SMYD3: variants seen among roughly 807,000 people sequenced by gnomAD.
SMYD3 encodes SET and MYND domain containing 3.
A neutral mutation model predicts 57.7 loss-of-function variants in SMYD3; 36 were observed. That is an observed-to-expected ratio of 0.62 (90% CI 0.48 to 0.82). The LOEUF (loss-of-function observed/expected upper bound fraction) is 0.82, where lower values mean the gene tolerates loss of function less well. Ranked by LOEUF, SMYD3 falls within the 40% of genes least tolerant of loss-of-function variation. The pLI is 0.00. For synonymous variants in SMYD3, 211 were observed against 195.0 expected, an observed-to-expected ratio of 1.08 and a Z score of -0.68; for missense variants, 515 against 538.8, an observed-to-expected ratio of 0.96 and a Z score of 0.44.
intron 10 of SMYD3, among the ~76,000 whole-genome samples, chr1:245,837,532 C>T (rs558657711): frequency 1.3e-5 from 2 of 152,172 alleles, no homozygotes; most frequent in South Asian, 2.1e-4. Flanking sequence ...GGCACGTACA[C>T]GAGGGAAGAA....
Position 246,203,112 on chromosome 1 carries a change from CAAAAAAT to C in SMYD3, c.531+124082_531+124088del, listed in dbSNP as rs1354814551. ...TGCACTCCAGAGCAAGACTCCGTCT[CAAAAAAT>C]AAAAGAAAAGAAAAAGAAAAAGAAA... On this transcript the variant is annotated intron_variant, in intron 5 of 11. Transcript: ENST00000490107. This position sits in a 1 kb window ranked among gnomAD's most constrained non-coding sequence, Gnocchi z 4.6. Among the ~76,000 whole-genome samples, 3 of 151,976 alleles carry C rather than the reference CAAAAAAT, an allele frequency of 2.0e-5. No homozygotes were observed. Among genetic ancestry groups the C allele is most frequent in the Non-Finnish European group, 4.4e-5 (3 of 68,012 alleles).
intron 1 of SMYD3, among the ~76,000 whole-genome samples, chr1:246,501,440 T>G (rs1320484281): frequency 2.0e-5 from 3 of 152,250 alleles, no homozygotes; most frequent in Admixed American, 2.0e-4. Flanking sequence ...CTTGGCCACA[T>G]TCTGCCACAC....
In SMYD3 at chr1:246,095,290, T is replaced by C. The variant is rs963782959; in HGVS notation, c.532-165353A>G. Among the ~76,000 whole-genome samples, 5 of 152,232 alleles carry C rather than the reference T, an allele frequency of 3.3e-5. No homozygotes were observed. The East Asian group carries it at 7.7e-4, about 23-fold the overall frequency. ...GGGGAAGGAGCCCATGGCCATTTCGTATCTCTTCATAGCTACTCAATCATT... is the reference window on the plus strand; with the variant it reads ...GGGGAAGGAGCCCATGGCCATTTCGCATCTCTTCATAGCTACTCAATCATT... On this transcript the variant is annotated intron_variant, in intron 5 of 11. Transcript: ENST00000490107.
intron 5 of SMYD3, among the ~76,000 whole-genome samples, chr1:246,107,170 C>T (rs1422169330): frequency 2.0e-5 from 3 of 149,530 alleles, no homozygotes; most frequent in Non-Finnish European, 4.4e-5. Context: ...GCCTGTAGTC[C>T]CAGCTACTCG....
At chr1:246,303,842 A>G (rs1350324073) in intron 5 of SMYD3, among the ~76,000 whole-genome samples, 1 of 152,232 alleles carries the variant, frequency 6.6e-6, no homozygotes, top group African/African-American at 2.4e-5. Flanking sequence ...CTAGCACAGA[A>G]GATGCACAGG....
At chr1:246,069,265 TAAAAG>T (rs1178839769) in intron 5 of SMYD3, among the ~76,000 whole-genome samples, 2 of 152,328 alleles carry the variant, frequency 1.3e-5, no homozygotes, top group African/African-American at 2.4e-5. Flanking sequence ...TAATTTGTAA[TAAAAG>T]AAAACAAACT....
intron 1 of SMYD3, among the ~76,000 whole-genome samples, chr1:246,357,482 G>A (rs2065926435): frequency 6.6e-6 from 1 of 152,128 alleles, no homozygotes; most frequent in Non-Finnish European, 1.5e-5. Context: ...CCATAAACAT[G>A]GACAACCAGC....
chr1:246,238,599 T>C (rs1425418391), intron 5 of SMYD3, among the ~76,000 whole-genome samples: 2 of 152,290 alleles, frequency 1.3e-5, no homozygotes, highest in South Asian at 2.1e-4. Context: ...CAACTTCTCC[T>C]GTTTGAAACA....
chr1:246,062,024 G>C (rs572018724), intron 5 of SMYD3, among the ~76,000 whole-genome samples: 70 of 152,100 alleles, frequency 4.6e-4, no homozygotes, highest in Admixed American at 2.6e-3. Flanking sequence ...TGACTTATTT[G>C]GCTGATATTT....
intron 5 of SMYD3, among the ~76,000 whole-genome samples, chr1:245,954,989 C>T (rs1007611795): frequency 9.2e-5 from 14 of 152,202 alleles, no homozygotes; most frequent in Admixed American, 5.9e-4. Flanking sequence ...TGACATCAAA[C>T]GCCCCCTATA....
chr1:246,265,918 G>C (rs138699766), intron 5 of SMYD3, among the ~76,000 whole-genome samples: 6 of 152,190 alleles, frequency 3.9e-5, no homozygotes, highest in African/African-American at 1.4e-4. Flanking sequence ...TATTGGGTTT[G>C]AGAATCTTCT....
chr1:246,241,261 G>T (rs1185326824), intron 5 of SMYD3, among the ~76,000 whole-genome samples: 1 of 152,150 alleles, frequency 6.6e-6, no homozygotes, highest in Non-Finnish European at 1.5e-5. Flanking sequence ...TTAGAGATAC[G>T]TCACATCAAT....
At chr1:245,958,068 C>T (rs1327031026) in intron 5 of SMYD3, among the ~76,000 whole-genome samples, 2 of 152,090 alleles carry the variant, frequency 1.3e-5, no homozygotes, top group African/African-American at 4.8e-5. Context: ...CTGCAATGAG[C>T]CCAGCACTTT....
At chr1:246,494,511 T>C (rs1207357698) in intron 1 of SMYD3, among the ~76,000 whole-genome samples, 2 of 152,232 alleles carry the variant, frequency 1.3e-5, no homozygotes, top group Non-Finnish European at 2.9e-5. Flanking sequence ...ATACCAATGA[T>C]TCATAGATTT....
chr1:245,887,075 C>T (rs2053127651), intron 8 of SMYD3, among the ~76,000 whole-genome samples: 1 of 152,168 alleles, frequency 6.6e-6, no homozygotes, highest in South Asian at 2.1e-4. Flanking sequence ...AGGCTAAGAC[C>T]TACTGGGTGG....
intron 8 of SMYD3, among the ~76,000 whole-genome samples, chr1:245,911,518 C>T (rs143281570): frequency 1.6e-3 from 237 of 150,872 alleles, no homozygotes; most frequent in African/African-American, 5.2e-3. Flanking sequence ...TATACACACA[C>T]ATATACACAC....
intron 11 of SMYD3, among the ~76,000 whole-genome samples, chr1:245,750,275 G>C (rs1234545835): frequency 6.6e-6 from 1 of 152,104 alleles, no homozygotes; most frequent in African/African-American, 2.4e-5. Flanking sequence ...TGTGAGACTA[G>C]GTCAAAAAGG....
chr1:246,503,134 A>G (rs1323644456), intron 1 of SMYD3, among the ~76,000 whole-genome samples: 1 of 152,202 alleles, frequency 6.6e-6, no homozygotes, highest in East Asian at 1.9e-4. Flanking sequence ...TAGCCAGCCA[A>G]GAAAGATCAG....
intron 1 of SMYD3, among the ~76,000 whole-genome samples, chr1:246,403,976 A>C (rs112572929): frequency 0.017 from 2,540 of 152,322 alleles, 34 homozygotes; most frequent in Non-Finnish European, 0.025. Context: ...GTTTGGATGC[A>C]CACCTGACTT....
Sources: gnomAD v4.1 joint callset for allele counts (sites outside exome capture counted in the v4.1 genomes callset) on GRCh38, gnomAD v4.1.1 for gene constraint, Gnocchi (gnomAD v3.1) non-coding constraint, MANE v1.5 for transcripts, NCBI Gene and HGNC (gene_info 2026-07-23, HGNC 2026-07-21) for gene names.